RRAGD: variants seen among roughly 807,000 people sequenced by gnomAD.
The protein encoded by RRAGD is Ras related GTP binding D.
Under a neutral mutation model 35.5 loss-of-function variants are expected in RRAGD, and 12 were observed. That is an observed-to-expected ratio of 0.34 (90% CI 0.22 to 0.55). RRAGD has a LOEUF of 0.55. Among genes scored for constraint, RRAGD ranks in the 20% least tolerant of loss-of-function variants. The probability of loss-of-function intolerance (pLI) is 0.91; values close to 1 mark genes in which losing one functional copy is unlikely to be tolerated. For synonymous variants in RRAGD, 155 were observed against 178.9 expected (o/e 0.87, Z 1.07); for missense variants, 324 against 490.1 (o/e 0.66, Z 3.20).
intron 6 of RRAGD, among the ~76,000 whole-genome samples, chr6:89,368,980 A>G (rs1768812064): frequency 6.6e-6 from 1 of 152,196 alleles, no homozygotes; most frequent in Non-Finnish European, 1.5e-5. Flanking sequence ...AGTTCTATTT[A>G]CTATCTTTGA....
At chr6:89,404,080 G>A (rs1769533214) in intron 1 of RRAGD, among the ~76,000 whole-genome samples, 1 of 152,186 alleles carries the variant, frequency 6.6e-6, no homozygotes, top group African/African-American at 2.4e-5. Flanking sequence ...CATTTGAAGG[G>A]ATATTAGGTA....
intron 1 of RRAGD, among the ~76,000 whole-genome samples, chr6:89,401,743 G>C (rs901271178): frequency 1.3e-5 from 2 of 152,096 alleles, no homozygotes; most frequent in Non-Finnish European, 1.5e-5. Flanking sequence ...CAGCTGCAAT[G>C]TCACCCCCAC....
rs1281279474 is a variant in RRAGD, at chr6:89,412,138, C to T, written c.-145G>A. 1 of 757,998 alleles carries T rather than the reference C, an allele frequency of 1.3e-6. No homozygotes were observed. Among genetic ancestry groups the T allele is most frequent in the Admixed American group, 4.5e-5 (1 of 22,354 alleles). The allele number at this position is 757,998 out of a possible 1,614,324, so 47.0% of individuals were successfully genotyped here. A position where few individuals can be genotyped will look rare whatever the true frequency, so the allele number is the denominator to read the frequency against. ...CCGGCGGAAGCGGGGGCCGCGCGTC[C>T]CCCGGCGGGCGGCGCCCAGGTCCGG... On this transcript the variant is annotated 5_prime_UTR_variant, in exon 1 of 7. Transcript: ENST00000369415. The surrounding 1 kb of genome is among the most constrained non-coding windows in gnomAD (Gnocchi z 4.2).
Position 89,368,009 on chromosome 6 carries a change from G to A in RRAGD, c.*47C>T. On this transcript the variant is annotated 3_prime_UTR_variant, in exon 7 of 7. Transcript: ENST00000369415. ...TCCTTTAGTGCAACATGGCGCAGCA[G>A]CCTCATGGATAAGGTCTGATTTCAA... 1 of 1,500,618 alleles carries A rather than the reference G, an allele frequency of 6.7e-7. No individual in the cohort carries two copies. Among genetic ancestry groups the A allele is most frequent in the Non-Finnish European group, 9.0e-7 (1 of 1,115,350 alleles). The allele number at this position is 1,500,618 out of a possible 1,614,324, so 93.0% of individuals were successfully genotyped here.
intron 6 of RRAGD, among the ~76,000 whole-genome samples, chr6:89,371,052 A>ATTT (rs1768846616): frequency 6.6e-6 from 1 of 151,622 alleles, no homozygotes; most frequent in Non-Finnish European, 1.5e-5. Context: ...TATAAAATAT[A>ATTT]AATATTTTCA....
chr6:89,370,723 GGT>G (rs1311048043), intron 6 of RRAGD, among the ~76,000 whole-genome samples: 1 of 151,942 alleles, frequency 6.6e-6, no homozygotes, highest in East Asian at 1.9e-4. Context: ...AAAATGATGT[GGT>G]TAAAAAAAGA....
At chr6:89,409,485 T>A (rs1769653835) in intron 1 of RRAGD, among the ~76,000 whole-genome samples, 2 of 152,242 alleles carry the variant, frequency 1.3e-5, no homozygotes, top group Non-Finnish European at 2.9e-5. Context: ...ACTCCTTTTT[T>A]TCCCTACATT....
At position 89,402,204 on chromosome 6, in the gene RRAGD, C is replaced by T. The variant is rs975671226; in HGVS notation, c.148+9642G>A. ...CTGGGATTACAGGCACGCACCAGCA[C>T]ACCTGGTTAATTTTTGTATTTTTAG... On this transcript the variant is annotated intron_variant, in intron 1 of 6. Coordinates refer to ENST00000369415, the MANE Select transcript of RRAGD (RefSeq NM_021244.5). Among the ~76,000 whole-genome samples, 30 of 151,702 alleles carry T rather than the reference C, an allele frequency of 2.0e-4. 1 individual carries two copies. Among genetic ancestry groups the T allele is most frequent in the African/African-American group, 7.3e-4 (30 of 41,238 alleles).
chr6:89,387,611 G>T, intron 1 of RRAGD, 21 bp from the exon 2 acceptor site: 1 of 1,596,550 alleles, frequency 6.3e-7, no homozygotes, highest in Non-Finnish European at 8.5e-7. Flanking sequence ...CACAAAATGA[G>T]AATGAAGGTG....
chr6:89,391,337 A>G (rs1769229199), intron 1 of RRAGD, among the ~76,000 whole-genome samples: 1 of 151,682 alleles, frequency 6.6e-6, no homozygotes, highest in South Asian at 2.1e-4. Flanking sequence ...GTGAGCCACA[A>G]TCATGCCACT....
intron 1 of RRAGD, among the ~76,000 whole-genome samples, chr6:89,391,016 C>T (rs1370650110): frequency 6.6e-6 from 1 of 152,116 alleles, no homozygotes; most frequent in Admixed American, 6.6e-5. Context: ...TTCACAGCAG[C>T]ATTATTCACA....
At position 89,412,062 on chromosome 6, in the gene RRAGD, C is replaced by A. The variant is rs1446849589; in HGVS notation, c.-69G>T. ...GGTGGGGGCCAAGCCTCCTAGCCGG[C>A]CGCCCGCAGCCTATTTCTGAAGCGG... On this transcript the variant is annotated 5_prime_UTR_variant, in exon 1 of 7. Coordinates refer to ENST00000369415, the MANE Select transcript of RRAGD (RefSeq NM_021244.5). This position sits in a 1 kb window ranked among gnomAD's most constrained non-coding sequence, Gnocchi z 4.2. 9 of 1,420,380 alleles carry A rather than the reference C, an allele frequency of 6.3e-6. No homozygotes were observed. The highest frequency in any genetic ancestry group is 5.6e-6 in the Non-Finnish European group (6 of 1,076,742). 88.0% of individuals were successfully genotyped at this position (1,420,380 alleles called of 1,614,324 possible).
intron 1 of RRAGD, among the ~76,000 whole-genome samples, chr6:89,403,452 A>C (rs970836889): frequency 9.9e-5 from 15 of 151,978 alleles, no homozygotes; most frequent in East Asian, 3.9e-4. Context: ...CAAAAAAAAA[A>C]ACAAAAAACT....
chr6:89,382,061 G>A (rs979092100), intron 2 of RRAGD, among the ~76,000 whole-genome samples: 1 of 150,866 alleles, frequency 6.6e-6, no homozygotes, highest in African/African-American at 2.4e-5. Flanking sequence ...GAATCTAAAT[G>A]CCTTCCCCCT....
chr6:89,382,640 C>T (rs996172837), intron 2 of RRAGD, among the ~76,000 whole-genome samples: 1 of 151,800 alleles, frequency 6.6e-6, no homozygotes, highest in Non-Finnish European at 1.5e-5. Context: ...CTTTGGGAGG[C>T]CAAGGCGGGC....
chr6:89,401,235 C>A (rs1463259197), intron 1 of RRAGD, among the ~76,000 whole-genome samples: 1 of 151,624 alleles, frequency 6.6e-6, no homozygotes, highest in African/African-American at 2.4e-5. Context: ...TGAGGCAACA[C>A]TCTGTCCAGG....
chr6:89,402,037 G>GGTTTTTTTT (rs1194197994), intron 1 of RRAGD, among the ~76,000 whole-genome samples: 1 of 52,314 alleles, frequency 1.9e-5, no homozygotes, highest in African/African-American at 1.5e-4. Context: ...AAATCCTAAG[G>GGTTTTTTTT]ATTTTTTTTT....
chr6:89,377,182 C>T (rs1484203911), intron 5 of RRAGD, among the ~76,000 whole-genome samples: 1 of 152,170 alleles, frequency 6.6e-6, no homozygotes, highest in East Asian at 1.9e-4. Context: ...TTCCAGTCAA[C>T]AGTAGACTAT....
chr6:89,372,336 C>T (rs1768867962), intron 6 of RRAGD, 101 bp downstream of exon 6: 7 of 1,290,722 alleles, frequency 5.4e-6, no homozygotes, highest in Admixed American at 2.6e-5. Flanking sequence ...CTGGAAGTTT[C>T]GAGGGCTATG....
Sources: allele counts gnomAD v4.1 joint callset (sites outside exome capture counted in the v4.1 genomes callset), GRCh38; gene constraint gnomAD v4.1.1; non-coding constraint Gnocchi (gnomAD v3.1); transcripts MANE v1.5; gene names NCBI Gene and HGNC (gene_info 2026-07-23, HGNC 2026-07-21).